Variants in CLVS1 observed in about 807,000 individuals in gnomAD.
CLVS1 encodes clavesin-1.
In CLVS1, 10 loss-of-function variants were observed where a neutral mutation model predicts 33.1. The ratio of observed to expected loss-of-function variants is 0.30; its 90% CI spans 0.19 to 0.51. The LOEUF is 0.51. Ranked by LOEUF, CLVS1 falls within the 20% of genes least tolerant of loss-of-function variation. The pLI is 0.97. For synonymous variants in CLVS1, 163 were observed against 166.1 expected (o/e 0.98, Z 0.14); for missense variants, 343 against 433.4 (o/e 0.79, Z 1.85).
chr8:61,098,823 G>C (rs1805398638), intron 1 of CLVS1, among the ~76,000 whole-genome samples: 1 of 152,090 alleles, frequency 6.6e-6, no homozygotes, highest in African/African-American at 2.4e-5. Flanking sequence ...CTTGGGAATT[G>C]TCTCTACCTG....
intron 1 of CLVS1, among the ~76,000 whole-genome samples, chr8:61,080,226 C>T (rs575336089): frequency 1.6e-4 from 24 of 152,164 alleles, no homozygotes; most frequent in African/African-American, 4.1e-4. Context: ...CATTTTGGAA[C>T]GATAAAAAAA....
intron 2 of CLVS1, among the ~76,000 whole-genome samples, chr8:61,352,047 A>T (rs944650335): frequency 3.3e-5 from 5 of 152,062 alleles, no homozygotes; most frequent in African/African-American, 1.2e-4. Context: ...CTTTTATCTC[A>T]TGAGTTTTAT....
chr8:61,127,058 G>A (rs751414990), intron 1 of CLVS1, among the ~76,000 whole-genome samples: 3 of 152,132 alleles, frequency 2.0e-5, no homozygotes, highest in Non-Finnish European at 4.4e-5. Flanking sequence ...CACAGTATAG[G>A]AATTTTCCAA....
chr8:61,014,351 A>G, the CLVS1 span, among the ~76,000 whole-genome samples: 1 of 152,140 alleles, frequency 6.6e-6, no homozygotes, highest in African/African-American at 2.4e-5. Context: ...CATGTCTCCA[A>G]ATGTAATCGG....
chr8:61,075,501 A>G (rs906188834), intron 1 of CLVS1, among the ~76,000 whole-genome samples: 1 of 152,210 alleles, frequency 6.6e-6, no homozygotes, highest in Admixed American at 6.5e-5. Flanking sequence ...AATGGATCCA[A>G]ATTAAAATGA....
chr8:61,278,112 T>C (rs1014334784), intron 2 of CLVS1, among the ~76,000 whole-genome samples: 4 of 152,136 alleles, frequency 2.6e-5, no homozygotes, highest in Non-Finnish European at 5.9e-5. Context: ...ATGCCCTAAT[T>C]TTAGGCAAAT....
At chr8:61,042,475 A>C in the CLVS1 span, among the ~76,000 whole-genome samples, 2 of 118,966 alleles carry the variant, frequency 1.7e-5, no homozygotes, top group African/African-American at 8.1e-5. Context: ...TGTTTCTCAC[A>C]ATTTTGGAGC....
chr8:61,029,781 G>A, the CLVS1 span, among the ~76,000 whole-genome samples: 1 of 152,090 alleles, frequency 6.6e-6, no homozygotes, highest in Non-Finnish European at 1.5e-5. Context: ...TTAAGTCACA[G>A]AAACATTGGG....
intron 2 of CLVS1, among the ~76,000 whole-genome samples, chr8:61,192,282 T>A (rs984623742): frequency 6.6e-5 from 10 of 152,208 alleles, no homozygotes; most frequent in Non-Finnish European, 1.0e-4. Context: ...GGGAGAGGAT[T>A]CCCTATTTAA....
chr8:61,337,005 T>A (rs1811831903), intron 2 of CLVS1, among the ~76,000 whole-genome samples: 1 of 152,214 alleles, frequency 6.6e-6, no homozygotes, highest in Admixed American at 6.5e-5. Context: ...AAATTCATTG[T>A]TCCAGGGTAA....
chr8:61,210,328 C>T (rs1235469612), intron 2 of CLVS1, among the ~76,000 whole-genome samples: 3 of 152,224 alleles, frequency 2.0e-5, no homozygotes, highest in South Asian at 2.1e-4. Context: ...CAGCCCTCAC[C>T]GGACACTGAA....
intron 2 of CLVS1, among the ~76,000 whole-genome samples, chr8:61,173,606 A>G (rs1044837444): frequency 6.6e-6 from 1 of 152,182 alleles, no homozygotes; most frequent in Non-Finnish European, 1.5e-5. Flanking sequence ...TTGTTGACCC[A>G]AAGATCATTC....
At chr8:61,062,851 C>G (rs897038790) in intron 1 of CLVS1, among the ~76,000 whole-genome samples, 1 of 152,144 alleles carries the variant, frequency 6.6e-6, no homozygotes, top group African/African-American at 2.4e-5. Context: ...GATGTTCAAC[C>G]CTCTTAACCA....
chr8:61,034,800 G>A, the CLVS1 span, among the ~76,000 whole-genome samples: 1 of 152,144 alleles, frequency 6.6e-6, no homozygotes, highest in South Asian at 2.1e-4. Flanking sequence ...GTGTTTACAA[G>A]AAGGAAGCAG....
chr8:61,325,724 G>A (rs1230779160), intron 2 of CLVS1, among the ~76,000 whole-genome samples: 1 of 152,150 alleles, frequency 6.6e-6, no homozygotes, highest in East Asian at 1.9e-4. Context: ...GTGATTTGAT[G>A]TTTGTGTTAG....
intron 3 of CLVS1, among the ~76,000 whole-genome samples, chr8:61,428,441 G>T (rs1815976870): frequency 6.6e-6 from 1 of 152,186 alleles, no homozygotes; most frequent in Non-Finnish European, 1.5e-5. Context: ...ATAGTAACAT[G>T]AAACTAAGTA....
chr8:61,379,035 GC>G (rs1302756209), intron 3 of CLVS1, among the ~76,000 whole-genome samples: 1 of 152,158 alleles, frequency 6.6e-6, no homozygotes, highest in Non-Finnish European at 1.5e-5. Context: ...GAAAGGAAAA[GC>G]CACATGCAGC....
At chr8:61,482,801 T>C (rs908858211) in intron 5 of CLVS1, among the ~76,000 whole-genome samples, 4 of 152,180 alleles carry the variant, frequency 2.6e-5, no homozygotes, top group Non-Finnish European at 5.9e-5. Flanking sequence ...TCAAAGCCAC[T>C]CAATTACATG....
intron 3 of CLVS1, among the ~76,000 whole-genome samples, chr8:61,423,076 T>C (rs1169778739): frequency 6.6e-6 from 1 of 152,068 alleles, no homozygotes; most frequent in East Asian, 1.9e-4. Flanking sequence ...TCAAAGTGCA[T>C]CTCAAAGCAT....
Sources: allele counts gnomAD v4.1 joint callset (sites outside exome capture counted in the v4.1 genomes callset), GRCh38; gene constraint gnomAD v4.1.1; transcripts MANE v1.5; gene names NCBI Gene and HGNC (gene_info 2026-07-23, HGNC 2026-07-21).